Variants in LINGO2 observed in about 807,000 individuals in gnomAD.
The protein encoded by LINGO2 is leucine-rich repeat and immunoglobulin-like domain-containing nogo receptor-interacting protein 2.
In LINGO2, 14 loss-of-function variants were observed where a neutral mutation model predicts 30.6. The observed-to-expected ratio is 0.46, with a 90% CI of 0.30 to 0.72. The LOEUF (loss-of-function observed/expected upper bound fraction) is 0.72, where lower values mean the gene tolerates loss of function less well. Ranked by LOEUF, LINGO2 falls within the 30% of genes least tolerant of loss-of-function variation. LINGO2 has a pLI of 0.07. For synonymous variants in LINGO2, 317 were observed against 288.5 expected (o/e 1.10, Z -1.00); for missense variants, 729 against 751.7 (o/e 0.97, Z 0.35).
intron 1 of LINGO2, among the ~76,000 whole-genome samples, chr9:28,593,810 G>C (rs1315172791): frequency 6.6e-6 from 1 of 151,900 alleles, no homozygotes; most frequent in Non-Finnish European, 1.5e-5. Flanking sequence ...TCCCAACATT[G>C]ACATATTTAA....
At chr9:28,163,156 G>A (rs1034341437) in intron 4 of LINGO2, among the ~76,000 whole-genome samples, 1 of 152,096 alleles carries the variant, frequency 6.6e-6, no homozygotes, top group Non-Finnish European at 1.5e-5. Flanking sequence ...AATCAGAGGA[G>A]CAAGAAACTA....
the LINGO2 span, among the ~76,000 whole-genome samples, chr9:28,756,479 C>A: frequency 4.0e-5 from 6 of 151,790 alleles, no homozygotes; most frequent in Non-Finnish European, 5.9e-5. Context: ...CTTTGGGGAA[C>A]TGTTGGAAAT....
chr9:28,213,848 C>T (rs940545659), intron 4 of LINGO2, among the ~76,000 whole-genome samples: 3 of 151,252 alleles, frequency 2.0e-5, no homozygotes, highest in African/African-American at 4.8e-5. Context: ...GGTGAATTTG[C>T]TCGATGGAAA....
intron 1 of LINGO2, among the ~76,000 whole-genome samples, chr9:28,502,901 G>C (rs1819950936): frequency 6.6e-6 from 1 of 152,076 alleles, no homozygotes; most frequent in South Asian, 2.1e-4. Context: ...AATGAGGCAT[G>C]AAAGGAAGAT....
chr9:28,043,162 T>A, intron 4 of LINGO2, among the ~76,000 whole-genome samples: 1 of 152,116 alleles, frequency 6.6e-6, no homozygotes, highest in Non-Finnish European at 1.5e-5. Context: ...AGTGTGTGCC[T>A]CCTCGGCATT....
intron 4 of LINGO2, among the ~76,000 whole-genome samples, chr9:28,096,366 T>C (rs540608990): frequency 1.5e-4 from 23 of 152,330 alleles, no homozygotes; most frequent in Admixed American, 1.3e-3. Context: ...TCTTACTCCT[T>C]ATTCATTTTA....
intron 4 of LINGO2, among the ~76,000 whole-genome samples, chr9:28,036,862 TATA>T (rs1563932216): frequency 6.6e-6 from 1 of 152,160 alleles, no homozygotes; most frequent in African/African-American, 2.4e-5. Flanking sequence ...ACACAGAAAA[TATA>T]ATGACTAGCT....
At chr9:28,950,107 C>T in the LINGO2 span, among the ~76,000 whole-genome samples, 10 of 152,290 alleles carry the variant, frequency 6.6e-5, no homozygotes, top group East Asian at 7.7e-4. Context: ...AATCAATAAA[C>T]GTAATCCACC....
intron 1 of LINGO2, among the ~76,000 whole-genome samples, chr9:28,555,869 G>A (rs1822646864): frequency 6.6e-6 from 1 of 151,966 alleles, no homozygotes. Context: ...ATGTAATCCA[G>A]CATATAAACA....
At chr9:29,008,853 C>T in the LINGO2 span, among the ~76,000 whole-genome samples, 1 of 152,064 alleles carries the variant, frequency 6.6e-6, no homozygotes, top group African/African-American at 2.4e-5. Context: ...TTGGCTTCAT[C>T]CCTGGGATTG....
At chr9:28,579,259 T>G (rs1054382668) in intron 1 of LINGO2, among the ~76,000 whole-genome samples, 1 of 152,074 alleles carries the variant, frequency 6.6e-6, no homozygotes, top group Non-Finnish European at 1.5e-5. Context: ...CTTTCACTAT[T>G]GTCCTTAGTC....
chr9:28,895,334 C>T, the LINGO2 span, among the ~76,000 whole-genome samples: 3 of 152,076 alleles, frequency 2.0e-5, no homozygotes, highest in African/African-American at 4.8e-5. Flanking sequence ...ATCAAGAGAG[C>T]GTTGTCACAC....
In LINGO2 at chr9:28,023,761, A is replaced by G. The variant is rs141510253; in HGVS notation, c.-86-11356T>C. Among the ~76,000 whole-genome samples the G allele has an allele frequency of 6.6e-3, 1,009 of 152,252 alleles. 6 individuals carry two copies. The highest frequency in any genetic ancestry group is 0.041 in the Middle Eastern group (12 of 294). ...TCTCCCCTGCCAAAGCCAAGAAGAG[A>G]TCTTTCCTGGGTTTCTAACATGAGA... On this transcript the variant is annotated intron_variant, in intron 4 of 5. Transcript: ENST00000379992.
chr9:28,324,503 C>T (rs1825155678), intron 3 of LINGO2, among the ~76,000 whole-genome samples: 1 of 152,120 alleles, frequency 6.6e-6, no homozygotes, highest in Admixed American at 6.5e-5. Context: ...TCATAAAGAC[C>T]TTGCTGATAA....
At chr9:28,320,416 A>G (rs894098540) in intron 3 of LINGO2, among the ~76,000 whole-genome samples, 2 of 152,180 alleles carry the variant, frequency 1.3e-5, no homozygotes, top group African/African-American at 4.8e-5. Flanking sequence ...CAAATTGTGA[A>G]TGATGCTGCA....
At chr9:27,978,887 A>G (rs1030353708) in intron 5 of LINGO2, among the ~76,000 whole-genome samples, 1 of 152,060 alleles carries the variant, frequency 6.6e-6, no homozygotes, top group African/African-American at 2.4e-5. Context: ...CATCGGATTG[A>G]TATCATTGAG....
In LINGO2 at chr9:28,401,149, A is replaced by G. The variant is rs375018294; in HGVS notation, c.-278-28281T>C. Among the ~76,000 whole-genome samples, 72 of 152,260 alleles carry G rather than the reference A, an allele frequency of 4.7e-4. No homozygotes were observed. The South Asian group carries it at 0.015, about 31-fold the overall frequency. ...GTGACAAAACAAGGGTACAATTAAG[A>G]TTTTAAATGTTCTTTTTTTTCCTTT... On this transcript the variant is annotated intron_variant, in intron 2 of 5. Transcript: ENST00000379992.
At chr9:28,527,606 A>G (rs898888136) in intron 1 of LINGO2, among the ~76,000 whole-genome samples, 2 of 152,158 alleles carry the variant, frequency 1.3e-5, no homozygotes, top group East Asian at 3.9e-4. Context: ...TTATAGCCTG[A>G]GGCAGACCTT....
chr9:28,721,651 G>T, the LINGO2 span, among the ~76,000 whole-genome samples: 124 of 152,108 alleles, frequency 8.2e-4, no homozygotes, highest in East Asian at 0.015. Flanking sequence ...ACACACTGGG[G>T]TCTGTTGGGG....
Sources: allele counts gnomAD v4.1 joint callset (sites outside exome capture counted in the v4.1 genomes callset), GRCh38; gene constraint gnomAD v4.1.1; transcripts MANE v1.5; gene names NCBI Gene and HGNC (gene_info 2026-07-23, HGNC 2026-07-21).